DOK6: variants seen among roughly 807,000 people sequenced by gnomAD.
DOK6 encodes docking protein 6.
DOK6 carries 22 observed loss-of-function variants against 44.0 expected under a neutral mutation model. That is an observed-to-expected ratio of 0.50 (90% CI 0.36 to 0.71). The LOEUF is 0.71. Among genes scored for constraint, DOK6 ranks in the 30% least tolerant of loss-of-function variants. DOK6 has a pLI of 0.00. For missense variants in DOK6, 340 were observed against 416.4 expected, an observed-to-expected ratio of 0.82 and a Z score of 1.60; for synonymous variants, 166 against 145.5, an observed-to-expected ratio of 1.14 and a Z score of -1.01.
chr18:69,590,628 A>G (rs912298224), intron 2 of DOK6, among the ~76,000 whole-genome samples: 5 of 152,192 alleles, frequency 3.3e-5, no homozygotes, highest in South Asian at 2.1e-4. Flanking sequence ...TGAAAATTTC[A>G]TTTTTAAGAT....
chr18:69,808,651 G>A (rs1452021437), intron 7 of DOK6, among the ~76,000 whole-genome samples: 3 of 151,748 alleles, frequency 2.0e-5, no homozygotes. Flanking sequence ...GTAAGACACT[G>A]CTAGAACAAT....
intron 3 of DOK6, among the ~76,000 whole-genome samples, chr18:69,601,434 T>G (rs1983870759): frequency 6.6e-6 from 1 of 152,214 alleles, no homozygotes. Flanking sequence ...CATATAAACA[T>G]AGTTGAAATT....
intron 1 of DOK6, among the ~76,000 whole-genome samples, chr18:69,532,242 T>G (rs1467481847): frequency 6.6e-6 from 1 of 152,210 alleles, no homozygotes; most frequent in Non-Finnish European, 1.5e-5. Context: ...AACAGAGCTC[T>G]GGTCCCTTCT....
chr18:69,709,061 G>A (rs890173650), intron 5 of DOK6, among the ~76,000 whole-genome samples: 30 of 152,114 alleles, frequency 2.0e-4, no homozygotes, highest in African/African-American at 7.0e-4. Context: ...TCTCTCTGTG[G>A]GAGAGCGATG....
At chr18:69,739,313 A>C (rs992060606) in intron 6 of DOK6, among the ~76,000 whole-genome samples, 5 of 152,182 alleles carry the variant, frequency 3.3e-5, no homozygotes, top group Non-Finnish European at 7.3e-5. Flanking sequence ...TGAGCCCTGC[A>C]CTTCTGGCAT....
intron 3 of DOK6, among the ~76,000 whole-genome samples, chr18:69,673,230 G>GTATACA (rs1555722224): frequency 6.7e-6 from 1 of 150,162 alleles, no homozygotes; most frequent in African/African-American, 2.4e-5. Context: ...TTTTCTGTGT[G>GTATACA]TATATATATA....
intron 2 of DOK6, among the ~76,000 whole-genome samples, chr18:69,586,694 C>T (rs952314047): frequency 6.6e-6 from 1 of 152,164 alleles, no homozygotes; most frequent in Non-Finnish European, 1.5e-5. Flanking sequence ...CTTGCTGCGG[C>T]CCCCATCAGA....
intron 2 of DOK6, among the ~76,000 whole-genome samples, chr18:69,566,952 C>A (rs1269250015): frequency 6.6e-6 from 1 of 152,110 alleles, no homozygotes; most frequent in Non-Finnish European, 1.5e-5. Flanking sequence ...CACTCATTAT[C>A]CCACAGAGGC....
At chr18:69,594,327 T>A (rs1443881033) in intron 2 of DOK6, among the ~76,000 whole-genome samples, 4 of 151,948 alleles carry the variant, frequency 2.6e-5, no homozygotes, top group Non-Finnish European at 5.9e-5. Context: ...TACATGCATA[T>A]ACAAATATAT....
At chr18:69,428,546 T>C (rs1193095473) in intron 1 of DOK6, among the ~76,000 whole-genome samples, 1 of 152,094 alleles carries the variant, frequency 6.6e-6, no homozygotes, top group Non-Finnish European at 1.5e-5. Flanking sequence ...GGATTAATTC[T>C]TAATCCTTAA....
intron 2 of DOK6, among the ~76,000 whole-genome samples, chr18:69,570,364 C>T (rs1031593356): frequency 3.3e-5 from 5 of 151,784 alleles, no homozygotes; most frequent in African/African-American, 1.2e-4. Context: ...AAATAGTGAA[C>T]TTAAAGATAG....
At chr18:69,702,456 A>G (rs1986544183) in intron 5 of DOK6, among the ~76,000 whole-genome samples, 1 of 152,210 alleles carries the variant, frequency 6.6e-6, no homozygotes, top group South Asian at 2.1e-4. Context: ...ACAGAGCTTC[A>G]ATTGAAGTGA....
intron 2 of DOK6, among the ~76,000 whole-genome samples, chr18:69,583,565 C>T (rs1189030653): frequency 3.3e-5 from 5 of 152,104 alleles, no homozygotes; most frequent in Non-Finnish European, 2.9e-5. Flanking sequence ...AAATTTTTCA[C>T]GGGTTGAGCT....
chr18:69,726,663 G>T (rs1275392322), intron 5 of DOK6, among the ~76,000 whole-genome samples: 1 of 150,130 alleles, frequency 6.7e-6, no homozygotes, highest in East Asian at 1.9e-4. Flanking sequence ...ATGTATATGT[G>T]TGTGTGTGTA....
chr18:69,504,974 T>A lies in DOK6; in HGVS notation c.67-59513T>A, dbSNP rs905792335. 2.0e-5 allele frequency among the ~76,000 whole-genome samples: 3 copies of A among 152,298 alleles called. No individual in the cohort carries two copies. In the East Asian group the frequency reaches 5.8e-4, roughly 29 times the overall value. ...GTTCTTCTCCTTCTTTACTTATATATAGTTCCCTCTGCACTTATTTTCACG... is the reference window on the plus strand; with the variant it reads ...GTTCTTCTCCTTCTTTACTTATATAAAGTTCCCTCTGCACTTATTTTCACG... On this transcript the variant is annotated intron_variant, in intron 1 of 7. Coordinates refer to ENST00000382713, the MANE Select transcript of DOK6 (RefSeq NM_152721.6).
chr18:69,683,527 A>G (rs1163946970), intron 4 of DOK6, among the ~76,000 whole-genome samples: 1 of 152,166 alleles, frequency 6.6e-6, no homozygotes, highest in Admixed American at 6.5e-5. Flanking sequence ...GGACAAGTGA[A>G]GATGATGTGA....
At chr18:69,775,004 T>C (rs1311573656) in intron 7 of DOK6, among the ~76,000 whole-genome samples, 2 of 151,600 alleles carry the variant, frequency 1.3e-5, no homozygotes, top group African/African-American at 2.4e-5. Flanking sequence ...GCAAACCAGA[T>C]TGACATCAGA....
At position 69,429,061 on chromosome 18, in the gene DOK6, T is replaced by C. The variant is rs1978723629; in HGVS notation, c.66+27751T>C. On this transcript the variant is annotated intron_variant, in intron 1 of 7. Transcript: ENST00000382713. ...CTTCGATCTGGAATAAGAAGAAATA[T>C]TGCCTGTTCAGAACAGCCACAGGAG... Among the ~76,000 whole-genome samples, 4 of 152,316 alleles carry C rather than the reference T, an allele frequency of 2.6e-5. No individual in the cohort carries two copies. In the South Asian group the frequency reaches 8.3e-4, roughly 32 times the overall value.
At chr18:69,598,203 T>G (rs1051431465) in intron 2 of DOK6, among the ~76,000 whole-genome samples, 1 of 151,762 alleles carries the variant, frequency 6.6e-6, no homozygotes, top group African/African-American at 2.4e-5. Flanking sequence ...GGAAAATAGA[T>G]CCTAAGGAAT....
Sources: allele counts gnomAD v4.1 joint callset (sites outside exome capture counted in the v4.1 genomes callset), GRCh38; gene constraint gnomAD v4.1.1; transcripts MANE v1.5; gene names NCBI Gene and HGNC (gene_info 2026-07-23, HGNC 2026-07-21).